BPIFB4: variants seen among roughly 807,000 people sequenced by gnomAD.
The protein encoded by BPIFB4 is BPI fold-containing family B member 4.
BPIFB4 carries 62 observed loss-of-function variants against 69.2 expected under a neutral mutation model. That is an observed-to-expected ratio of 0.90 (90% CI 0.73 to 1.11). The LOEUF is 1.11. Among genes scored for constraint, BPIFB4 ranks in the 50% least tolerant of loss-of-function variants. BPIFB4 has a pLI of 0.00. For missense variants in BPIFB4, 789 were observed against 792.0 expected (o/e 1.00, Z 0.04); for synonymous variants, 330 against 332.7 (o/e 0.99, Z 0.09).
At position 33,097,868 on chromosome 20, in the gene BPIFB4, T is replaced by C. The variant is rs1981799756; in HGVS notation, c.1569+81T>C. 1.1e-5 allele frequency: 15 copies of C among 1,376,218 alleles called. No individual in the cohort carries two copies. The South Asian group carries it at 2.1e-4, about 19-fold the overall frequency. The allele number at this position is 1,376,218 out of a possible 1,614,324, so 85.3% of individuals were successfully genotyped here. ...GGTCTCCTGGAGCCCAAAGACCCCT[T>C]CAAATCCCCTCAATCTCCACCATCA... On this transcript the variant is annotated intron_variant, in intron 13 of 17. Transcript: ENST00000375483.
chr20:33,111,645 C>T lies in BPIFB4; in HGVS notation c.*208C>T. ...GGCAAACATTCCCTTCCATGGTCAG[C>T]CTGCCAGGAGGAGGGGAGTCACCTT... On this transcript the variant is annotated 3_prime_UTR_variant, in exon 18 of 18. Transcript: ENST00000375483. 3.2e-6 allele frequency: 2 copies of T among 617,776 alleles called. No homozygotes were observed. The highest frequency in any genetic ancestry group is 5.6e-6 in the Non-Finnish European group (2 of 356,878). The allele number at this position is 617,776 out of a possible 1,614,324, so 38.3% of individuals were successfully genotyped here. A position where few individuals can be genotyped will look rare whatever the true frequency, so the allele number is the denominator to read the frequency against.
chr20:33,111,115 CA>C (rs1019550986), intron 17 of BPIFB4, among the ~76,000 whole-genome samples: 4 of 151,996 alleles, frequency 2.6e-5, no homozygotes, highest in African/African-American at 9.7e-5. Context: ...CACGCCTGGC[CA>C]AAAAATTTTT....
chr20:33,111,477 G>A lies in BPIFB4; in HGVS notation c.*40G>A. ...GATGCTGCTGCAACTGGAAGAAGCTGGAACCAGTCCCAGAGAGGCTCGGCC... is the reference window on the plus strand; with the variant it reads ...GATGCTGCTGCAACTGGAAGAAGCTAGAACCAGTCCCAGAGAGGCTCGGCC... On this transcript the variant is annotated 3_prime_UTR_variant, in exon 18 of 18. Transcript: ENST00000375483. 6.2e-7 allele frequency: 1 copy of A among 1,613,090 alleles called. No individual in the cohort carries two copies. The highest frequency in any genetic ancestry group is 1.1e-5 in the South Asian group (1 of 90,984).
At chr20:33,108,895 T>G (rs1982153216) in intron 17 of BPIFB4, among the ~76,000 whole-genome samples, 1 of 152,214 alleles carries the variant, frequency 6.6e-6, no homozygotes, top group Admixed American at 6.5e-5. Context: ...GAATGGGGCC[T>G]TTGTGCCAGA....
intron 8 of BPIFB4, 118 bp from the exon 9 acceptor site, chr20:33,089,380 T>C: frequency 6.7e-7 from 1 of 1,495,476 alleles, no homozygotes; most frequent in East Asian, 2.3e-5. Flanking sequence ...GTGAGGAGAG[T>C]GCCTGGCACA....
At chr20:33,084,345 A>T (rs1981353373) in intron 5 of BPIFB4, among the ~76,000 whole-genome samples, 2 of 152,250 alleles carry the variant, frequency 1.3e-5, no homozygotes, top group Admixed American at 6.5e-5. Flanking sequence ...GAAAAGACAC[A>T]TTCTCTGTCT....
chr20:33,100,999 T>G (rs1218023408), intron 14 of BPIFB4, among the ~76,000 whole-genome samples: 2 of 152,120 alleles, frequency 1.3e-5, no homozygotes, highest in Non-Finnish European at 2.9e-5. Flanking sequence ...GAGCTATGAT[T>G]GTGCCACTGC....
chr20:33,100,321 AG>A, intron 13 of BPIFB4, 104 bp from the exon 14 acceptor site: 1 of 915,300 alleles, frequency 1.1e-6, no homozygotes. Flanking sequence ...CATCATGCTC[AG>A]GGTTAACGAA....
At chr20:33,106,455 C>T (rs909562896) in intron 16 of BPIFB4, among the ~76,000 whole-genome samples, 1 of 149,840 alleles carries the variant, frequency 6.7e-6, no homozygotes, top group Non-Finnish European at 1.5e-5. Context: ...TCACTGCAAC[C>T]TCTGCCTCCC....
At chr20:33,087,664 G>GA (rs1168984264) in intron 7 of BPIFB4, among the ~76,000 whole-genome samples, 1 of 150,418 alleles carries the variant, frequency 6.6e-6, no homozygotes, top group Non-Finnish European at 1.5e-5. Flanking sequence ...TCCCAGAAGA[G>GA]AAAAAGAGTT....
intron 16 of BPIFB4, among the ~76,000 whole-genome samples, chr20:33,105,692 G>A (rs1027118521): frequency 6.6e-6 from 1 of 152,172 alleles, no homozygotes; most frequent in African/African-American, 2.4e-5. Flanking sequence ...ACACCAGCGG[G>A]GGTTCTGTTG....
chr20:33,089,629 A>G (rs1244808568), intron 9 of BPIFB4, 71 bp downstream of exon 9: 3 of 1,610,752 alleles, frequency 1.9e-6, no homozygotes, highest in East Asian at 2.2e-5. Context: ...AGGAGGGCTC[A>G]ATGTGGTGGG....
intron 17 of BPIFB4, among the ~76,000 whole-genome samples, chr20:33,108,724 C>T (rs926293172): frequency 6.6e-6 from 1 of 152,146 alleles, no homozygotes; most frequent in Admixed American, 6.5e-5. Context: ...CTGTGTGTAA[C>T]GTGCCTTGCA....
At chr20:33,081,679 G>T (rs1446704663) in intron 3 of BPIFB4, 47 bp downstream of exon 3, 1 of 1,545,960 alleles carries the variant, frequency 6.5e-7, no homozygotes, top group Non-Finnish European at 8.7e-7. Flanking sequence ...GGTGAGCAGG[G>T]CAGCTCTGCC....
chr20:33,108,433 A>G (rs2146418014), intron 17 of BPIFB4, among the ~76,000 whole-genome samples: 1 of 148,950 alleles, frequency 6.7e-6, no homozygotes, highest in East Asian at 1.9e-4. Flanking sequence ...CTATATATAT[A>G]TATAGACATA....
chr20:33,111,640 GTCA>G lies in BPIFB4; in HGVS notation c.*204_*206del. 2 of 623,198 alleles carry G rather than the reference GTCA, an allele frequency of 3.2e-6. No individual in the cohort carries two copies. The highest frequency in any genetic ancestry group is 5.5e-6 in the Non-Finnish European group (2 of 361,616). The allele number at this position is 623,198 out of a possible 1,614,324, so 38.6% of individuals were successfully genotyped here. On this transcript the variant is annotated 3_prime_UTR_variant, in exon 18 of 18. Transcript: ENST00000375483. The stretch of plus-strand genomic sequence containing the variant: ...CTGTTGGCAAACATTCCCTTCCATG[GTCA>G]GCCTGCCAGGAGGAGGGGAGTCACC...
rs372644503 is a variant in BPIFB4 at position 33,103,118 on chromosome 20, T to C, written c.1680+104T>C. 1.4e-5 allele frequency: 18 copies of C among 1,326,628 alleles called. No homozygotes were observed. In the African/African-American group the frequency reaches 2.2e-4, roughly 16 times the overall value. The allele number at this position is 1,326,628 out of a possible 1,614,324, so 82.2% of individuals were successfully genotyped here. A position where few individuals can be genotyped will look rare whatever the true frequency, so the allele number is the denominator to read the frequency against. On this transcript the variant is annotated intron_variant, in intron 15 of 17. Transcript: ENST00000375483. ...GTGAGGCTGGCTGGGCATGGGGAGT[T>C]TGTGAATTCCAAAGTGCTCCCGTCA... is the stretch of plus-strand genomic sequence containing the variant.
In BPIFB4 at chr20:33,111,607, C is replaced by G; in HGVS notation, c.*170C>G. The G allele has an allele frequency of 2.7e-6, 2 of 753,674 alleles. No homozygotes were observed. Among genetic ancestry groups the G allele is most frequent in the Non-Finnish European group, 4.3e-6 (2 of 464,120 alleles). The allele number at this position is 753,674 out of a possible 1,614,324, so 46.7% of individuals were successfully genotyped here. A position where few individuals can be genotyped will look rare whatever the true frequency, so the allele number is the denominator to read the frequency against. Reference sequence around the variant, plus strand: ...GCCCCAACCCTGAGAAAGGGTCCAGCCACTACCCTGTTGGCAAACATTCCC... The same window carrying G: ...GCCCCAACCCTGAGAAAGGGTCCAGGCACTACCCTGTTGGCAAACATTCCC... On this transcript the variant is annotated 3_prime_UTR_variant, in exon 18 of 18. Coordinates refer to ENST00000375483, the MANE Select transcript of BPIFB4 (RefSeq NM_182519.3).
At chr20:33,082,852 G>A in intron 3 of BPIFB4, 86 bp from the exon 4 acceptor site, 3 of 1,322,052 alleles carry the variant, frequency 2.3e-6, no homozygotes, top group Non-Finnish European at 3.3e-6. Context: ...GGCCCAGGGA[G>A]CTGAGCAACA....
Sources: gnomAD v4.1 joint callset for allele counts (sites outside exome capture counted in the v4.1 genomes callset) on GRCh38, gnomAD v4.1.1 for gene constraint, MANE v1.5 for transcripts, NCBI Gene and HGNC (gene_info 2026-07-23, HGNC 2026-07-21) for gene names.